The following TIPRL variants were observed in gnomAD, a reference collection of about 807,000 sequenced individuals.
The protein encoded by TIPRL is TIP41-like protein.
In TIPRL, 10 loss-of-function variants were observed where a neutral mutation model predicts 32.3. The observed-to-expected ratio is 0.31, with a 90% CI of 0.19 to 0.52. TIPRL has a LOEUF of 0.52. Among genes scored for constraint, TIPRL ranks in the 20% least tolerant of loss-of-function variants. TIPRL has a pLI of 0.96. For missense variants in TIPRL, 250 were observed against 328.1 expected (o/e 0.76, Z 1.84); for synonymous variants, 100 against 114.0 (o/e 0.88, Z 0.78).
chr1:168,184,627 A>C, intron 2 of TIPRL, 152 bp from the exon 3 acceptor site: 1 of 644,658 alleles, frequency 1.6e-6, no homozygotes, highest in Non-Finnish European at 2.7e-6. Flanking sequence ...ATGCAGAAAA[A>C]CTGTAAGAAA....
At chr1:168,188,421 A>G (rs934895272) in intron 3 of TIPRL, among the ~76,000 whole-genome samples, 1 of 152,236 alleles carries the variant, frequency 6.6e-6, no homozygotes, top group Non-Finnish European at 1.5e-5. Flanking sequence ...CAGCTGTGCT[A>G]TCATAGTCTA....
chr1:168,188,560 C>T (rs1167857483), intron 3 of TIPRL, among the ~76,000 whole-genome samples: 2 of 151,656 alleles, frequency 1.3e-5, no homozygotes, highest in African/African-American at 4.8e-5. Flanking sequence ...TTTTTTTTCT[C>T]CAATTATTTA....
Position 168,183,891 on chromosome 1 carries a change from G to A in TIPRL, c.105-11G>A. 1 of 1,604,430 alleles carries A rather than the reference G, an allele frequency of 6.2e-7. No individual in the cohort carries two copies. Among genetic ancestry groups the A allele is most frequent in the African/African-American group, 1.3e-5 (1 of 74,854 alleles). ...ATAAAATTATCTCACCCGACTTTTG[G>A]TTACGTATAGATTAGCCGATGAATT... is the stretch of plus-strand genomic sequence containing the variant. On this transcript the variant is annotated splice_polypyrimidine_tract_variant and intron_variant, in intron 1 of 6. Coordinates refer to ENST00000367833, the MANE Select transcript of TIPRL (RefSeq NM_152902.5).
chr1:168,184,657 A>G, intron 2 of TIPRL, 122 bp from the exon 3 acceptor site: 3 of 709,824 alleles, frequency 4.2e-6, no homozygotes, highest in East Asian at 2.8e-5. Context: ...CTGGTGAATT[A>G]TAACAAGTGT....
chr1:168,179,407 T>A (rs902456670), intron 1 of TIPRL, among the ~76,000 whole-genome samples: 1 of 152,148 alleles, frequency 6.6e-6, no homozygotes, highest in Non-Finnish European at 1.5e-5. Flanking sequence ...CCGCCTGGGT[T>A]TGAGTAGAGT....
chr1:168,187,976 CAG>C (rs553168684), intron 3 of TIPRL, among the ~76,000 whole-genome samples: 98 of 152,226 alleles, frequency 6.4e-4, no homozygotes, highest in African/African-American at 2.3e-3. Flanking sequence ...TATCTCAAAA[CAG>C]TGTGTGTTTT....
intron 4 of TIPRL, among the ~76,000 whole-genome samples, 175 bp downstream of exon 4, chr1:168,191,675 A>C (rs1184143620): frequency 1.3e-5 from 2 of 151,998 alleles, no homozygotes; most frequent in African/African-American, 4.8e-5. Context: ...GACCGAGACC[A>C]TCCTGGCTAA....
intron 4 of TIPRL, among the ~76,000 whole-genome samples, chr1:168,191,927 A>G (rs977626764): frequency 1.3e-5 from 2 of 151,962 alleles, no homozygotes; most frequent in Non-Finnish European, 2.9e-5. Context: ...TTTCACTTGA[A>G]TCTAGAGTGT....
chr1:168,183,961 T>G lies in TIPRL; in HGVS notation c.164T>G (p.Leu55Ter), dbSNP rs770949861. ...GAAATGATGTTTGGAGACAACGTTTTAAGAATCCAGCATGGGTCTGGCTTT... is the reference window on the plus strand; with the variant it reads ...GAAATGATGTTTGGAGACAACGTTTGAAGAATCCAGCATGGGTCTGGCTTT... ...LPEMMFGDNVLRIQHGSGFGI... is the reference protein window; with the variant it reads ...LPEMMFGDNV The change falls in exon 2 of 7, where the codon TTA becomes TGA. Residue 55 changes from leucine to a stop codon, truncating the protein, a stop_gained. Transcript: ENST00000367833. LOFTEE classifies it high-confidence loss of function. 6.2e-7 allele frequency: 1 copy of G among 1,614,128 alleles called. No individual in the cohort carries two copies. Among genetic ancestry groups the G allele is most frequent in the Non-Finnish European group, 8.5e-7 (1 of 1,179,992 alleles).
intron 3 of TIPRL, among the ~76,000 whole-genome samples, chr1:168,185,677 G>A (rs971383816): frequency 6.6e-6 from 1 of 151,684 alleles, no homozygotes; most frequent in African/African-American, 2.4e-5. Flanking sequence ...GGCTGAGGGA[G>A]GAGAATTGCT....
Position 168,179,076 on chromosome 1 carries a change from C to G in TIPRL, c.-2C>G, listed in dbSNP as rs1273888437. On this transcript the variant is annotated 5_prime_UTR_variant, in exon 1 of 7. Transcript: ENST00000367833. ...GTGGCCTCTGCGGGTCCTGCCTCAG[C>G]CATGATGATCCACGGCTTCCAGAGC... The G allele has an allele frequency of 1.9e-6, 3 of 1,613,514 alleles. No individual in the cohort carries two copies. Among genetic ancestry groups the G allele is most frequent in the African/African-American group, 2.7e-5 (2 of 74,916 alleles).
chr1:168,196,878 G>T (rs1700160387), intron 5 of TIPRL, among the ~76,000 whole-genome samples: 2 of 152,110 alleles, frequency 1.3e-5, no homozygotes, highest in African/African-American at 4.8e-5. Flanking sequence ...CCCTAATTGG[G>T]GAGGGGTCTT....
chr1:168,185,471 C>T (rs1572430833), intron 3 of TIPRL, among the ~76,000 whole-genome samples: 1 of 151,948 alleles, frequency 6.6e-6, no homozygotes, highest in African/African-American at 2.4e-5. Flanking sequence ...GTGTGTAAGC[C>T]CTGCTTGAGA....
At chr1:168,196,672 A>G (rs1244307558) in intron 5 of TIPRL, 30 bp downstream of exon 5, 1 of 1,448,578 alleles carries the variant, frequency 6.9e-7, no homozygotes, top group East Asian at 2.3e-5. Flanking sequence ...GAATATACTA[A>G]TTGATACTGG....
intron 1 of TIPRL, among the ~76,000 whole-genome samples, chr1:168,181,672 A>G (rs1699965216): frequency 6.6e-6 from 1 of 151,942 alleles, no homozygotes; most frequent in Non-Finnish European, 1.5e-5. Context: ...CATGTAATTT[A>G]CTTACAGATT....
rs1700194189 is a variant in TIPRL at position 168,200,071 on chromosome 1, A to G, written c.*25A>G. On this transcript the variant is annotated 3_prime_UTR_variant, in exon 7 of 7. Transcript: ENST00000367833. ...AAATGTGATACAACATATACTCACT[A>G]TGGAATCTGACTGGACACCTTGGCT... is the stretch of plus-strand genomic sequence containing the variant. 4 of 1,606,628 alleles carry G rather than the reference A, an allele frequency of 2.5e-6. No homozygotes were observed. The highest frequency in any genetic ancestry group is 8.5e-7 in the Non-Finnish European group (1 of 1,177,070).
At position 168,201,756 on chromosome 1, in the gene TIPRL, C is replaced by G. The variant is rs1700209543; in HGVS notation, c.*1710C>G. The G allele has an allele frequency of 6.8e-6, 1 of 146,904 alleles. No homozygotes were observed. Among genetic ancestry groups the G allele is most frequent in the Admixed American group, 6.9e-5 (1 of 14,420 alleles). The allele number at this position is 146,904 out of a possible 1,614,324, so 9.1% of individuals were successfully genotyped here. A position where few individuals can be genotyped will look rare whatever the true frequency, so the allele number is the denominator to read the frequency against. ...TTTTAAGACTCTTCATTAATTGGAG[C>G]TTCTGGGCAACATCGTGTGTGTGTG... On this transcript the variant is annotated 3_prime_UTR_variant, in exon 7 of 7. Transcript: ENST00000367833.
At position 168,184,848 on chromosome 1, in the gene TIPRL, A is replaced by C; in HGVS notation, c.354A>C (p.Gly118=). 1.2e-6 allele frequency: 2 copies of C among 1,611,380 alleles called. No homozygotes were observed. Among genetic ancestry groups the C allele is most frequent in the Non-Finnish European group, 1.7e-6 (2 of 1,178,138 alleles). Reference sequence around the variant, plus strand: ...GGACCTATACAACAGATTATAAGGGAACCTTACTTGGAGAATCTCTTAAGT... The same window carrying C: ...GGACCTATACAACAGATTATAAGGGCACCTTACTTGGAGAATCTCTTAAGT... ...YDWTYTTDYK[G]TLLGESLKLK... The change falls in exon 3 of 7, where the codon GGA becomes GGC. Residue 118 remains glycine (G), a synonymous_variant. Transcript: ENST00000367833.
At chr1:168,193,160 C>T (rs2102311676) in intron 4 of TIPRL, among the ~76,000 whole-genome samples, 1 of 152,168 alleles carries the variant, frequency 6.6e-6, no homozygotes, top group South Asian at 2.1e-4. Flanking sequence ...TGCACCCCAG[C>T]TTGGGAGACA....
Sources: gnomAD v4.1 joint callset for allele counts (sites outside exome capture counted in the v4.1 genomes callset) on GRCh38, gnomAD v4.1.1 for gene constraint, MANE v1.5 for transcripts, NCBI Gene and HGNC (gene_info 2026-07-23, HGNC 2026-07-21) for gene names.